Variants in ADAMTS6 observed in about 807,000 individuals in gnomAD.
ADAMTS6 encodes the protein ADAM metallopeptidase with thrombospondin type 1 motif 6.
ADAMTS6 carries 23 observed loss-of-function variants against 144.3 expected under a neutral mutation model. The observed-to-expected ratio is 0.16, with a 90% CI of 0.11 to 0.23. The LOEUF is 0.23. Among genes scored for constraint, ADAMTS6 ranks in the 10% least tolerant of loss-of-function variants. ADAMTS6 has a pLI of 1.00. For synonymous variants in ADAMTS6, 444 were observed against 457.5 expected (o/e 0.97, Z 0.38); for missense variants, 999 against 1,379.6 (o/e 0.72, Z 4.37).
intron 24 of ADAMTS6, among the ~76,000 whole-genome samples, chr5:65,169,416 G>A (rs1223046886): frequency 3.5e-5 from 5 of 141,800 alleles, no homozygotes; most frequent in Non-Finnish European, 7.6e-5. Context: ...GGAGAAATAG[G>A]AACACTTTTA....
At chr5:65,165,310 G>A in intron 24 of ADAMTS6, among the ~76,000 whole-genome samples, 1 of 2,524 alleles carries the variant, frequency 4.0e-4, no homozygotes, top group South Asian at 4.8e-3. Flanking sequence ...ATGAAATGAA[G>A]CGAGAAGGGA....
intron 20 of ADAMTS6, among the ~76,000 whole-genome samples, chr5:65,203,189 T>C (rs909193102): frequency 2.6e-5 from 4 of 152,154 alleles, no homozygotes; most frequent in African/African-American, 9.7e-5. Flanking sequence ...AAATAGGAAA[T>C]TGTGAAAGGC....
intron 7 of ADAMTS6, among the ~76,000 whole-genome samples, chr5:65,386,922 A>T (rs1042814379): frequency 6.6e-6 from 1 of 152,340 alleles, no homozygotes; most frequent in Admixed American, 6.5e-5. Flanking sequence ...CTTAACAAGC[A>T]TTGACTGTTC....
chr5:65,313,426 T>C (rs1744696412), intron 9 of ADAMTS6, among the ~76,000 whole-genome samples: 1 of 152,060 alleles, frequency 6.6e-6, no homozygotes, highest in Non-Finnish European at 1.5e-5. Flanking sequence ...ATTGTATATA[T>C]AATATGTATG....
At chr5:65,273,774 T>A (rs1170604296) in intron 11 of ADAMTS6, among the ~76,000 whole-genome samples, 2 of 152,130 alleles carry the variant, frequency 1.3e-5, no homozygotes, top group East Asian at 1.9e-4. Context: ...AGGAAATATA[T>A]GTTTATTACA....
In ADAMTS6 at chr5:65,273,327, T is replaced by G. The variant is rs769418666; in HGVS notation, c.1620+13A>C. 2.5e-6 allele frequency: 4 copies of G among 1,610,908 alleles called. No homozygotes were observed. The Admixed American group carries it at 6.7e-5, about 27-fold the overall frequency. ...GTATACATGTCAAACAGGTAGTAAA[T>G]CATTGAGCTTACCCCTTTTTCAATA... On this transcript the variant is annotated intron_variant, in intron 12 of 24. Transcript: ENST00000381055.
intron 9 of ADAMTS6, among the ~76,000 whole-genome samples, chr5:65,328,372 AACTTAAATTCT>A (rs1746382745): frequency 6.6e-6 from 1 of 152,060 alleles, no homozygotes; most frequent in South Asian, 2.1e-4. Flanking sequence ...CAGAATATAA[AACTTAAATTCT>A]ACAAATGTCA....
intron 7 of ADAMTS6, among the ~76,000 whole-genome samples, chr5:65,378,019 C>CT (rs144205727): frequency 0.12 from 18,175 of 152,004 alleles, 1,202 homozygotes; most frequent in African/African-American, 0.16. Flanking sequence ...CTCTGTATGT[C>CT]TTTTTTTCTT....
At chr5:65,349,149 C>T (rs1485094226) in intron 7 of ADAMTS6, among the ~76,000 whole-genome samples, 1 of 152,106 alleles carries the variant, frequency 6.6e-6, no homozygotes, top group Non-Finnish European at 1.5e-5. Flanking sequence ...GCATAATATA[C>T]ATGTTACACA....
intron 7 of ADAMTS6, among the ~76,000 whole-genome samples, chr5:65,443,396 G>A (rs1236245230): frequency 6.6e-6 from 1 of 151,836 alleles, no homozygotes. Context: ...CAAGGTGGGA[G>A]GATCACTTGA....
In ADAMTS6 at chr5:65,481,099, AT is replaced by A. The variant is rs66598948; in HGVS notation, c.-280+243del. 9.7e-4 allele frequency among the ~76,000 whole-genome samples: 146 copies of A among 150,918 alleles called. No homozygotes were observed. In the East Asian group the frequency reaches 0.026, roughly 27 times the overall value. ...TATTGTATATTCATAAAATAAACGT[AT>A]TTTTTTTGCATCATAAAATAACTGC... On this transcript the variant is annotated intron_variant, in intron 1 of 24. Transcript: ENST00000381055.
chr5:65,341,520 C>A (rs1295012391), intron 7 of ADAMTS6, among the ~76,000 whole-genome samples: 1 of 151,806 alleles, frequency 6.6e-6, no homozygotes, highest in East Asian at 1.9e-4. Context: ...AGTGATGCCA[C>A]AACAGACACC....
Position 65,196,964 on chromosome 5 carries a change from A to G in ADAMTS6, c.2705+58T>C, listed in dbSNP as rs576138235. ...TAAATATATTTCCAAACATGAATAC[A>G]TAATGTTTTTCTCTTTGCACCTGAA... On this transcript the variant is annotated intron_variant, in intron 21 of 24. Transcript: ENST00000381055. 289 of 1,571,260 alleles carry G rather than the reference A, an allele frequency of 1.8e-4. 3 individuals carry two copies. In the South Asian group the frequency reaches 3.1e-3, roughly 17 times the overall value.
chr5:65,271,678 A>G lies in ADAMTS6; in HGVS notation c.1620+1662T>C, dbSNP rs79563500. On this transcript the variant is annotated intron_variant, in intron 12 of 24. Coordinates refer to ENST00000381055, the MANE Select transcript of ADAMTS6 (RefSeq NM_197941.4). ...AGCCACTACTAGTGGTTTACTGTGG[A>G]CCATGAACTTGATCATGAGAATAAT... is the stretch of plus-strand genomic sequence containing the variant. Among the ~76,000 whole-genome samples the G allele has an allele frequency of 4.1e-3, 624 of 152,296 alleles. 3 individuals are homozygous for G. The highest frequency in any genetic ancestry group is 0.014 in the African/African-American group (582 of 41,568).
At chr5:65,180,044 C>T (rs1754247130) in intron 22 of ADAMTS6, among the ~76,000 whole-genome samples, 1 of 151,950 alleles carries the variant, frequency 6.6e-6, no homozygotes, top group African/African-American at 2.4e-5. Flanking sequence ...TCTTCTTTAT[C>T]TGGAAAGGTG....
intron 7 of ADAMTS6, among the ~76,000 whole-genome samples, chr5:65,392,206 C>A (rs922679705): frequency 6.6e-6 from 1 of 151,958 alleles, no homozygotes; most frequent in African/African-American, 2.4e-5. Flanking sequence ...AAACTTTTAT[C>A]ACCTGGTCAA....
chr5:65,310,764 T>C (rs1744414059), intron 9 of ADAMTS6, among the ~76,000 whole-genome samples: 1 of 152,184 alleles, frequency 6.6e-6, no homozygotes, highest in Non-Finnish European at 1.5e-5. Flanking sequence ...AAAAGGTAAA[T>C]GAAAATAACT....
At chr5:65,281,844 T>C (rs946192071) in intron 11 of ADAMTS6, among the ~76,000 whole-genome samples, 5 of 152,274 alleles carry the variant, frequency 3.3e-5, no homozygotes, top group African/African-American at 1.2e-4. Context: ...AATGGAATGA[T>C]TGTTTCACAA....
At chr5:65,451,332 A>G in intron 7 of ADAMTS6, 143 bp downstream of exon 7, 1 of 807,850 alleles carries the variant, frequency 1.2e-6, no homozygotes, top group Non-Finnish European at 1.9e-6. Flanking sequence ...AGTGTAATAC[A>G]TTCTTTCTCA....
Sources: allele counts gnomAD v4.1 joint callset (sites outside exome capture counted in the v4.1 genomes callset), GRCh38; gene constraint gnomAD v4.1.1; transcripts MANE v1.5; gene names NCBI Gene and HGNC (gene_info 2026-07-23, HGNC 2026-07-21).